GPRC5A: variants seen among roughly 807,000 people sequenced by gnomAD.
The protein encoded by GPRC5A is retinoic acid-induced protein 3.
GPRC5A carries 19 observed loss-of-function variants against 22.5 expected under a neutral mutation model. The ratio of observed to expected loss-of-function variants is 0.85; its 90% confidence interval spans 0.59 to 1.24. GPRC5A has a LOEUF of 1.24. GPRC5A is among the 50% of genes most tolerant of loss of function. GPRC5A has a pLI of 0.00. For missense variants in GPRC5A, 471 were observed against 451.1 expected, an observed-to-expected ratio of 1.04 and a Z score of -0.40; for synonymous variants, 192 against 184.5, an observed-to-expected ratio of 1.04 and a Z score of -0.33.
At chr12:12,893,441 A>G (rs1863785752) in intron 1 of GPRC5A, among the ~76,000 whole-genome samples, 1 of 152,246 alleles carries the variant, frequency 6.6e-6, no homozygotes, top group Non-Finnish European at 1.5e-5. Context: ...TATAGTAAAC[A>G]ATAAATTGAG....
chr12:12,891,912 G>A (rs1335790254), intron 1 of GPRC5A: 2 of 151,820 alleles, frequency 1.3e-5, no homozygotes, highest in East Asian at 3.9e-4. Flanking sequence ...AGATAATCAG[G>A]GTAATAGTTT....
At position 12,908,575 on chromosome 12, in the gene GPRC5A, TCTC is replaced by T. The variant is rs778933464; in HGVS notation, c.329_331del (p.Ser110del). On this transcript the variant is annotated inframe_deletion, in exon 2 of 4. Transcript: ENST00000014914. ...TTTGGGATCCTCTTTTCCATCTGCT[TCTC>T]CTGCCTGCTGGCTCATGCTGTCAGT... 17 of 1,613,958 alleles carry T rather than the reference TCTC, an allele frequency of 1.1e-5. No individual in the cohort carries two copies. Among genetic ancestry groups the T allele is most frequent in the Non-Finnish European group, 1.4e-5 (17 of 1,180,012 alleles).
At position 12,916,657 on chromosome 12, in the gene GPRC5A, C is replaced by T. The variant is rs1864067033; in HGVS notation, c.*4118C>T. 2 of 152,346 alleles carry T rather than the reference C, an allele frequency of 1.3e-5. No individual in the cohort carries two copies. Among genetic ancestry groups the T allele is most frequent in the African/African-American group, 4.8e-5 (2 of 41,576 alleles). 9.4% of individuals were successfully genotyped at this position (152,346 alleles called of 1,614,324 possible). A position where few individuals can be genotyped will look rare whatever the true frequency, so the allele number is the denominator to read the frequency against. On this transcript the variant is annotated 3_prime_UTR_variant, in exon 4 of 4. Transcript: ENST00000014914. ...TGCCCTTTGTCTTATTTTTGTGAAACCCTCCAAGGTATTTCCAGTCCATTT... is the reference window on the plus strand; with the variant it reads ...TGCCCTTTGTCTTATTTTTGTGAAATCCTCCAAGGTATTTCCAGTCCATTT...
intron 1 of GPRC5A, among the ~76,000 whole-genome samples, chr12:12,901,806 T>C (rs1180161950): frequency 6.7e-6 from 1 of 150,060 alleles, no homozygotes. Flanking sequence ...AAAGGACCTC[T>C]ACGTCAAGTG....
rs953740507 is a variant in GPRC5A at position 12,913,066 on chromosome 12, G to C, written c.*527G>C. 2 of 153,294 alleles carry C rather than the reference G, an allele frequency of 1.3e-5. No homozygotes were observed. Among genetic ancestry groups the C allele is most frequent in the Non-Finnish European group, 2.9e-5 (2 of 68,616 alleles). 9.5% of individuals were successfully genotyped at this position (153,294 alleles called of 1,614,324 possible). The stretch of plus-strand genomic sequence containing the variant: ...CTCACGCTGGCTCACACAGCTCTAG[G>C]GGCCTGCTCCTCTAACTCACAGTGG... On this transcript the variant is annotated 3_prime_UTR_variant, in exon 4 of 4. Transcript: ENST00000014914.
rs1864016098 is a variant in GPRC5A at position 12,912,543 on chromosome 12, T to G, written c.*4T>G. 4 of 1,560,620 alleles carry G rather than the reference T, an allele frequency of 2.6e-6. No individual in the cohort carries two copies. The highest frequency in any genetic ancestry group is 3.5e-6 in the Non-Finnish European group (4 of 1,131,140). On this transcript the variant is annotated 3_prime_UTR_variant, in exon 4 of 4. Transcript: ENST00000014914. ...AGTAAAGAAAGAGGGCAGCTAACTCTGTCCTGAAGAGTGGGACAAATGCAG... is the reference window on the plus strand; with the variant it reads ...AGTAAAGAAAGAGGGCAGCTAACTCGGTCCTGAAGAGTGGGACAAATGCAG...
In GPRC5A at chr12:12,916,202, GC is replaced by G. The variant is rs1219254438; in HGVS notation, c.*3666del. ...GGCTGAAATGGAATGTGCAAATGTA[GC>G]CCAGCCTGGTCCTTGGGTGTTGCCA... On this transcript the variant is annotated 3_prime_UTR_variant, in exon 4 of 4. Transcript: ENST00000014914. The G allele has an allele frequency of 1.9e-5, 3 of 156,926 alleles. No homozygotes were observed. Among genetic ancestry groups the G allele is most frequent in the Non-Finnish European group, 4.3e-5 (3 of 70,520 alleles). 9.7% of individuals were successfully genotyped at this position (156,926 alleles called of 1,614,324 possible). A position where few individuals can be genotyped will look rare whatever the true frequency, so the allele number is the denominator to read the frequency against.
At chr12:12,907,050 G>A (rs573653110) in intron 1 of GPRC5A, among the ~76,000 whole-genome samples, 110 of 146,972 alleles carry the variant, frequency 7.5e-4, no homozygotes, top group African/African-American at 2.6e-3. Context: ...GCGAAACTCC[G>A]TCTAAAAAAA....
At position 12,908,936 on chromosome 12, in the gene GPRC5A, C is replaced by A. The variant is rs138398386; in HGVS notation, c.687C>A (p.Thr229=). ...TTGCCATCTGGGTGGCCTGGATCACCCTGCTCATGCTTCCTGACTTTGACC... is the reference window on the plus strand; with the variant it reads ...TTGCCATCTGGGTGGCCTGGATCACACTGCTCATGCTTCCTGACTTTGACC... The part of the protein sequence containing the change: ...LSIAIWVAWI[T]LLMLPDFDRR... Residue 229 remains threonine, a synonymous_variant, in exon 2 of 4, where the codon ACC becomes ACA. Coordinates refer to ENST00000014914, the MANE Select transcript of GPRC5A (RefSeq NM_003979.4). The A allele has an allele frequency of 2.5e-6, 4 of 1,614,124 alleles. No homozygotes were observed. Among genetic ancestry groups the A allele is most frequent in the African/African-American group, 1.3e-5 (1 of 75,050 alleles).
At chr12:12,912,425 G>A (rs374416417) in intron 3 of GPRC5A, 22 bp from the exon 4 acceptor site, 17 of 1,505,224 alleles carry the variant, frequency 1.1e-5, no homozygotes, top group Middle Eastern at 1.7e-4. Flanking sequence ...TGGGTTTCAC[G>A]ATATGACTGT....
In GPRC5A at chr12:12,912,489, G is replaced by A. The variant is rs780281859; in HGVS notation, c.1024G>A (p.Ala342Thr). 1.2e-5 allele frequency: 20 copies of A among 1,613,026 alleles called. 1 individual carries two copies. In the South Asian group the frequency reaches 1.8e-4, roughly 14 times the overall value. Residue 342 changes from alanine (A) to threonine (T), a missense_variant, in exon 4 of 4, where the codon GCT becomes ACT. Ala to Thr is a moderately conservative substitution (Grantham distance 58, BLOSUM62 0). Transcript: ENST00000014914. ...GGAATTCTCCATCCCACGGGCCCAC[G>A]CTTGGCCGAGCCCTTACAAAGACTA... ...QKEFSIPRAH[A>T]WPSPYKDYEV...
Position 12,908,669 on chromosome 12 carries a change from C to T in GPRC5A, c.420C>T (p.Gly140=), listed in dbSNP as rs751072236. Residue 140 remains glycine, a synonymous_variant, in exon 2 of 4, where the codon GGC becomes GGT. Coordinates refer to ENST00000014914, the MANE Select transcript of GPRC5A (RefSeq NM_003979.4). ...SLLVILGLAV[G]FSLVQDVIAI... The stretch of plus-strand genomic sequence containing the variant: ...TGGTGATTCTGGGTCTGGCCGTGGG[C>T]TTCAGCCTAGTCCAGGATGTTATCG... 1.2e-6 allele frequency: 2 copies of T among 1,613,734 alleles called. No homozygotes were observed. Among genetic ancestry groups the T allele is most frequent in the African/African-American group, 2.7e-5 (2 of 74,926 alleles).
chr12:12,900,946 A>G (rs983874058), intron 1 of GPRC5A, among the ~76,000 whole-genome samples: 2 of 151,624 alleles, frequency 1.3e-5, no homozygotes, highest in Non-Finnish European at 2.9e-5. Flanking sequence ...AACCCAAAAA[A>G]CAAACAAACA....
chr12:12,907,106 T>A (rs1359892791), intron 1 of GPRC5A, among the ~76,000 whole-genome samples: 3 of 149,260 alleles, frequency 2.0e-5, no homozygotes, highest in Non-Finnish European at 4.4e-5. Context: ...AGGGGCAGAA[T>A]AATTCTGAAC....
At chr12:12,911,087 G>T (rs890403945) in intron 2 of GPRC5A, among the ~76,000 whole-genome samples, 2 of 152,042 alleles carry the variant, frequency 1.3e-5, no homozygotes, top group African/African-American at 2.4e-5. Context: ...TGGCCAGGCT[G>T]GTCTCGAACT....
rs148232246 is a variant in GPRC5A, at chr12:12,909,116, G to A, written c.867G>A (p.Val289=). 239 of 1,600,792 alleles carry A rather than the reference G, an allele frequency of 1.5e-4. 1 individual carries two copies. In the African/African-American group the frequency reaches 2.6e-3, roughly 18 times the overall value. The change falls in exon 2 of 4, where the codon GTG becomes GTA. Residue 289 remains valine, a synonymous_variant. Coordinates refer to ENST00000014914, the MANE Select transcript of GPRC5A (RefSeq NM_003979.4). Reference sequence around the variant, plus strand: ...ATGCTTTCTGTAAACCTCAACTCGTGAAGAAGAGCTATGGTGTGGAGAACA... The same window carrying A: ...ATGCTTTCTGTAAACCTCAACTCGTAAAGAAGAGCTATGGTGTGGAGAACA... The part of the protein sequence containing the change: ...VEDAFCKPQL[V]KKSYGVENRA...
chr12:12,905,573 T>C (rs1013454048), intron 1 of GPRC5A, among the ~76,000 whole-genome samples: 1 of 152,248 alleles, frequency 6.6e-6, no homozygotes, highest in Non-Finnish European at 1.5e-5. Context: ...AACTGGACTA[T>C]AGTTATGTCT....
rs529728087 is a variant in GPRC5A at position 12,917,237 on chromosome 12, TGTGTGTGTGTGTGTGCGTGC to T, written c.*4702_*4721del. 930 of 124,788 alleles carry T rather than the reference TGTGTGTGTGTGTGTGCGTGC, an allele frequency of 7.5e-3. 5 individuals are homozygous for T. The highest frequency in any genetic ancestry group is 0.016 in the Middle Eastern group (4 of 256). The allele number at this position is 124,788 out of a possible 1,614,324, so 7.7% of individuals were successfully genotyped here. A position where few individuals can be genotyped will look rare whatever the true frequency, so the allele number is the denominator to read the frequency against. On this transcript the variant is annotated 3_prime_UTR_variant, in exon 4 of 4. Coordinates refer to ENST00000014914, the MANE Select transcript of GPRC5A (RefSeq NM_003979.4). ...CTGTGTGTGTGTGTGTGTGTGTGTG[TGTGTGTGTGTGTGTGCGTGC>T]GTGCGTGTATGTGCGCCTGACCCTG... is the stretch of plus-strand genomic sequence containing the variant.
chr12:12,895,853 C>T (rs1321608341), intron 1 of GPRC5A, among the ~76,000 whole-genome samples: 4 of 139,770 alleles, frequency 2.9e-5, no homozygotes, highest in East Asian at 4.2e-4. Context: ...ATTAGCCGGG[C>T]GTGGTGGTGG....
Sources: allele counts gnomAD v4.1 joint callset (sites outside exome capture counted in the v4.1 genomes callset), GRCh38; gene constraint gnomAD v4.1.1; transcripts MANE v1.5; gene names NCBI Gene and HGNC (gene_info 2026-07-23, HGNC 2026-07-21).